MGAM2: variants seen among roughly 807,000 people sequenced by gnomAD.
MGAM2 encodes maltase-glucoamylase 2 (putative).
In MGAM2, 98 loss-of-function variants were observed where a neutral mutation model predicts 96.1. The ratio of observed to expected loss-of-function variants is 1.02; its 90% CI spans 0.87 to 1.21. MGAM2 has a LOEUF of 1.21. Among genes scored for constraint, MGAM2 ranks in the 50% most tolerant of loss-of-function variants. The probability of loss-of-function intolerance (pLI) is 0.00; values close to 1 mark genes in which losing one functional copy is unlikely to be tolerated. For synonymous variants in MGAM2, 749 were observed against 414.8 expected, an observed-to-expected ratio of 1.81 and a Z score of -9.79; for missense variants, 2,055 against 1,182.4, an observed-to-expected ratio of 1.74 and a Z score of -10.82.
At chr7:142,142,473 A>G (rs915283700) in intron 12 of MGAM2, among the ~76,000 whole-genome samples, 1 of 151,310 alleles carries the variant, frequency 6.6e-6, no homozygotes, top group African/African-American at 2.4e-5. Flanking sequence ...TGAATCATTT[A>G]ATCTAAGATG....
chr7:142,148,266 C>T lies in MGAM2; in HGVS notation c.1634+693C>T, dbSNP rs977366173. ...CACCACAGTTATCACCACCATCCCC[C>T]CCACCACCACAATCACTATCACCAT... On this transcript the variant is annotated intron_variant, in intron 15 of 47. Transcript: ENST00000477922. This position sits in a 1 kb window ranked among gnomAD's most constrained non-coding sequence, Gnocchi z 4.2. 6.6e-6 allele frequency among the ~76,000 whole-genome samples: 1 copy of T among 151,098 alleles called. No homozygotes were observed. Among genetic ancestry groups the T allele is most frequent in the Admixed American group, 6.6e-5 (1 of 15,162 alleles).
intron 32 of MGAM2, among the ~76,000 whole-genome samples, chr7:142,179,502 A>G (rs1486336449): frequency 6.6e-6 from 1 of 152,100 alleles, no homozygotes; most frequent in Non-Finnish European, 1.5e-5. Flanking sequence ...TTTGTCAGAG[A>G]TAGCTCTTAT....
chr7:142,114,911 G>C (rs1335425931), intron 1 of MGAM2, among the ~76,000 whole-genome samples: 1 of 152,074 alleles, frequency 6.6e-6, no homozygotes, highest in Non-Finnish European at 1.5e-5. Flanking sequence ...CTGAAAAGAA[G>C]GATAGAAGGA....
intron 10 of MGAM2, among the ~76,000 whole-genome samples, chr7:142,140,282 T>C (rs907213374): frequency 6.6e-6 from 1 of 152,214 alleles, no homozygotes; most frequent in East Asian, 1.9e-4. Flanking sequence ...TAGGCTGATA[T>C]GCAAACACAA....
At position 142,220,963 on chromosome 7, in the gene MGAM2, A is replaced by G. The variant is rs1387929203; in HGVS notation, c.6452A>G (p.Asn2151Ser). 2.8e-6 allele frequency: 2 copies of G among 701,898 alleles called. No individual in the cohort carries two copies. The highest frequency in any genetic ancestry group is 1.5e-5 in the South Asian group (1 of 67,528). 43.5% of individuals were successfully genotyped at this position (701,898 alleles called of 1,614,324 possible). A position where few individuals can be genotyped will look rare whatever the true frequency, so the allele number is the denominator to read the frequency against. ...ISTPVQTNTT[N>S]ASTSTNVANI... ...ACTCCTGTTCAAACAAATACTACTA[A>G]TGCTAGCACTAGTACTAATGTTGCT... The change falls in exon 48 of 48, where the codon AAT becomes AGT. Residue 2151 changes from asparagine (N) to serine (S), a missense_variant. Transcript: ENST00000477922.
intron 12 of MGAM2, among the ~76,000 whole-genome samples, chr7:142,142,009 G>T (rs1327288086): frequency 6.6e-6 from 1 of 152,140 alleles, no homozygotes; most frequent in Non-Finnish European, 1.5e-5. Context: ...TCAAATTGTT[G>T]CTTCATCTAG....
intron 34 of MGAM2, among the ~76,000 whole-genome samples, chr7:142,185,513 A>G (rs1796666672): frequency 6.6e-6 from 1 of 152,220 alleles, no homozygotes; most frequent in Non-Finnish European, 1.5e-5. Flanking sequence ...AATACAAGTC[A>G]GCTGAATGAA....
intron 37 of MGAM2, among the ~76,000 whole-genome samples, chr7:142,189,763 G>A (rs535128027): frequency 5.9e-5 from 9 of 152,180 alleles, no homozygotes; most frequent in African/African-American, 1.9e-4. Flanking sequence ...TTAAATTTTC[G>A]AACATTTTCA....
At position 142,174,715 on chromosome 7, in the gene MGAM2, C is replaced by CTCTTTTTT. The variant is rs1194981898; in HGVS notation, c.3688-936_3688-935insCTTTTTTT. Among the ~76,000 whole-genome samples the CTCTTTTTT allele has an allele frequency of 4.3e-4, 37 of 85,440 alleles. 1 individual carries two copies. Among genetic ancestry groups the CTCTTTTTT allele is most frequent in the African/African-American group, 2.0e-3 (35 of 17,576 alleles). The allele number at this position is 85,440 out of a possible 152,430, so 56.1% of individuals were successfully genotyped here. On this transcript the variant is annotated intron_variant, in intron 31 of 47. Coordinates refer to ENST00000477922, the MANE Select transcript of MGAM2 (RefSeq NM_001293626.2). Reference sequence around the variant, plus strand: ...ATGCCCTTTATTTCTCTCTCTCTCTCTTTTTTTTTTTTTTTTTTGAGTTGG... The same window carrying CTCTTTTTT: ...ATGCCCTTTATTTCTCTCTCTCTCTCTCTTTTTTTTTTTTTTTTTTTTTTTTGAGTTGG...
intron 15 of MGAM2, among the ~76,000 whole-genome samples, chr7:142,149,915 T>C (rs1470916963): frequency 6.6e-6 from 1 of 151,616 alleles, no homozygotes; most frequent in Admixed American, 6.6e-5. Context: ...ATCTTCCCAC[T>C]GTAGCTGATC....
chr7:142,200,610 C>G (rs1035879968), intron 45 of MGAM2, among the ~76,000 whole-genome samples: 3 of 152,160 alleles, frequency 2.0e-5, no homozygotes, highest in African/African-American at 7.2e-5. Flanking sequence ...TCTCACTTTT[C>G]ACTACTTATT....
chr7:142,165,062 G>A, intron 24 of MGAM2, 39 bp downstream of exon 24: 1 of 645,012 alleles, frequency 1.6e-6, no homozygotes, highest in Admixed American at 2.5e-5. Flanking sequence ...CTTTCCAGAG[G>A]CCTTGGCTCT....
chr7:142,186,517 T>G (rs1046206998), intron 35 of MGAM2, among the ~76,000 whole-genome samples: 4 of 152,180 alleles, frequency 2.6e-5, no homozygotes, highest in Admixed American at 2.6e-4. Flanking sequence ...CAAGTAGACG[T>G]TTGCCATAGT....
At chr7:142,185,560 C>T (rs1313339784) in intron 34 of MGAM2, among the ~76,000 whole-genome samples, 1 of 152,062 alleles carries the variant, frequency 6.6e-6, no homozygotes, top group Non-Finnish European at 1.5e-5. Flanking sequence ...ATCTAGCATC[C>T]CCTCTACTCT....
intron 23 of MGAM2, among the ~76,000 whole-genome samples, chr7:142,164,098 T>C (rs1795963065): frequency 6.6e-6 from 1 of 152,230 alleles, no homozygotes; most frequent in Non-Finnish European, 1.5e-5. Context: ...GGTTCAACCT[T>C]TGACCTGTGT....
At chr7:142,118,642 G>A (rs191445152) in intron 2 of MGAM2, among the ~76,000 whole-genome samples, 2 of 152,126 alleles carry the variant, frequency 1.3e-5, no homozygotes, top group Non-Finnish European at 2.9e-5. Context: ...GTGAAGATGT[G>A]TATTTCCAAT....
At chr7:142,163,768 T>C (rs916036873) in intron 23 of MGAM2, among the ~76,000 whole-genome samples, 4 of 152,156 alleles carry the variant, frequency 2.6e-5, no homozygotes, top group African/African-American at 9.7e-5. Context: ...GTTGTCACTA[T>C]TTTTTTAGGC....
intron 3 of MGAM2, among the ~76,000 whole-genome samples, chr7:142,125,427 T>C (rs988547939): frequency 2.0e-5 from 3 of 152,142 alleles, no homozygotes; most frequent in African/African-American, 7.2e-5. Context: ...TTTGAAACAA[T>C]TTATGACAAT....
intron 46 of MGAM2, among the ~76,000 whole-genome samples, chr7:142,213,115 A>G (rs1168872687): frequency 6.6e-6 from 1 of 152,194 alleles, no homozygotes; most frequent in Non-Finnish European, 1.5e-5. Flanking sequence ...AGGCAGAAAT[A>G]AATAAGTTCT....
Sources: allele counts gnomAD v4.1 joint callset (sites outside exome capture counted in the v4.1 genomes callset), GRCh38; gene constraint gnomAD v4.1.1; non-coding constraint Gnocchi (gnomAD v3.1); transcripts MANE v1.5; gene names NCBI Gene and HGNC (gene_info 2026-07-23, HGNC 2026-07-21).